CALN1: variants seen among roughly 807,000 people sequenced by gnomAD.
The protein encoded by CALN1 is calneuron 1.
CALN1 carries 17 observed loss-of-function variants against 30.6 expected under a neutral mutation model. The ratio of observed to expected loss-of-function variants is 0.56; its 90% confidence interval spans 0.38 to 0.83. The LOEUF (loss-of-function observed/expected upper bound fraction) is 0.83. CALN1 is among the 40% of genes least tolerant of loss of function. The pLI, the probability that CALN1 is intolerant of heterozygous loss-of-function variation, is 0.00. For synonymous variants in CALN1, 156 were observed against 131.4 expected, an observed-to-expected ratio of 1.19 and a Z score of -1.28; for missense variants, 291 against 354.9, an observed-to-expected ratio of 0.82 and a Z score of 1.45.
Position 71,785,027 on chromosome 7 carries a change from C to T in CALN1, c.*2748G>A, listed in dbSNP as rs1315942595. ...CCAGGGTGCAAGTCACCGGGACAAA[C>T]TCTGAGCTCCTGAAGTCTAAGGAAT... is the stretch of plus-strand genomic sequence containing the variant. On this transcript the variant is annotated 3_prime_UTR_variant, in exon 7 of 7. Transcript: ENST00000395275. The T allele has an allele frequency of 2.5e-6, 1 of 395,966 alleles. No homozygotes were observed. The highest frequency in any genetic ancestry group is 4.4e-6 in the Non-Finnish European group (1 of 224,968). 24.5% of individuals were successfully genotyped at this position (395,966 alleles called of 1,614,324 possible).
At chr7:72,084,213 A>C (rs1245906144) in intron 4 of CALN1, among the ~76,000 whole-genome samples, 2 of 152,092 alleles carry the variant, frequency 1.3e-5, no homozygotes, top group East Asian at 3.9e-4. Flanking sequence ...CATCTCAAAA[A>C]GCAAAACAAA....
chr7:72,250,652 T>A (rs555960692), intron 3 of CALN1, among the ~76,000 whole-genome samples: 1 of 152,072 alleles, frequency 6.6e-6, no homozygotes, highest in African/African-American at 2.4e-5. Context: ...CAGTAATGAG[T>A]GAGTTCTTGC....
chr7:71,981,142 A>AT (rs1217339662), intron 5 of CALN1, among the ~76,000 whole-genome samples: 1 of 152,198 alleles, frequency 6.6e-6, no homozygotes, highest in Non-Finnish European at 1.5e-5. Flanking sequence ...TTCCTGGTCC[A>AT]TAACTCCCTT....
intron 4 of CALN1, among the ~76,000 whole-genome samples, chr7:72,083,791 T>C (rs766138273): frequency 2.6e-5 from 4 of 151,484 alleles, no homozygotes; most frequent in Non-Finnish European, 4.4e-5. Flanking sequence ...TGGTGGCATA[T>C]GCCTGTAGTC....
intron 5 of CALN1, among the ~76,000 whole-genome samples, chr7:71,848,214 G>A (rs1790433673): frequency 6.6e-6 from 1 of 152,192 alleles, no homozygotes; most frequent in South Asian, 2.1e-4. Flanking sequence ...TGTCAGATTA[G>A]CCAGATGTGA....
chr7:71,890,119 T>G (rs988092095), intron 5 of CALN1, among the ~76,000 whole-genome samples: 1 of 152,134 alleles, frequency 6.6e-6, no homozygotes, highest in African/African-American at 2.4e-5. Flanking sequence ...TATTTATTTT[T>G]TTGGAGACAA....
At chr7:72,037,957 G>C (rs1218797406) in intron 4 of CALN1, among the ~76,000 whole-genome samples, 3 of 152,184 alleles carry the variant, frequency 2.0e-5, no homozygotes, top group Non-Finnish European at 4.4e-5. Flanking sequence ...GGAGAAGTTG[G>C]GGAAGGCGAG....
At chr7:72,428,792 A>G (rs1270948509) in intron 1 of CALN1, among the ~76,000 whole-genome samples, 1 of 152,222 alleles carries the variant, frequency 6.6e-6, no homozygotes, top group Non-Finnish European at 1.5e-5. Context: ...TGAGTCCAGG[A>G]GTTCAAGACC....
chr7:71,946,462 G>T (rs1309507314), intron 5 of CALN1, among the ~76,000 whole-genome samples: 1 of 151,360 alleles, frequency 6.6e-6, no homozygotes, highest in Non-Finnish European at 1.5e-5. Context: ...TGACCTCCGG[G>T]GCTCAAGTGA....
chr7:72,300,378 A>C (rs2129555587), intron 2 of CALN1, among the ~76,000 whole-genome samples: 1 of 152,260 alleles, frequency 6.6e-6, no homozygotes, highest in South Asian at 2.1e-4. Context: ...TTGTGTATCA[A>C]GAAAAGGCAC....
chr7:72,368,319 G>C (rs1016890532), intron 2 of CALN1, among the ~76,000 whole-genome samples: 3 of 151,276 alleles, frequency 2.0e-5, no homozygotes, highest in African/African-American at 4.9e-5. Context: ...CTGTACACTT[G>C]TGATTTGTGC....
chr7:72,409,839 C>T (rs186804629), intron 1 of CALN1, among the ~76,000 whole-genome samples: 2 of 152,210 alleles, frequency 1.3e-5, no homozygotes, highest in Admixed American at 6.5e-5. Context: ...CCACGTTGGG[C>T]ATCAAGTTAC....
At chr7:72,236,986 T>C (rs766315404) in intron 3 of CALN1, among the ~76,000 whole-genome samples, 2 of 151,682 alleles carry the variant, frequency 1.3e-5, no homozygotes, top group Non-Finnish European at 2.9e-5. Flanking sequence ...TTTTCTATTT[T>C]TATTTTTTTT....
At chr7:72,216,064 A>T (rs1178203372) in intron 3 of CALN1, among the ~76,000 whole-genome samples, 1 of 152,070 alleles carries the variant, frequency 6.6e-6, no homozygotes, top group African/African-American at 2.4e-5. Context: ...TAAACCTTGC[A>T]CACTTGATCT....
intron 5 of CALN1, among the ~76,000 whole-genome samples, chr7:71,907,504 C>T (rs574555666): frequency 3.7e-4 from 57 of 152,262 alleles, no homozygotes; most frequent in African/African-American, 1.3e-3. Context: ...GAGTCAGAAC[C>T]GGGTTTGGAG....
chr7:72,168,797 T>C (rs760267544), intron 3 of CALN1, among the ~76,000 whole-genome samples: 11 of 118,060 alleles, frequency 9.3e-5, no homozygotes, highest in Non-Finnish European at 1.6e-4. Context: ...CTTATTATTA[T>C]TATTATTATT....
chr7:71,798,099 GAC>G (rs1787047968), intron 6 of CALN1, among the ~76,000 whole-genome samples: 9 of 97,512 alleles, frequency 9.2e-5, no homozygotes, highest in African/African-American at 2.5e-4. Flanking sequence ...CAGAGAGAGA[GAC>G]AGAGAGAGAC....
At chr7:71,945,624 C>A (rs1343957500) in intron 5 of CALN1, among the ~76,000 whole-genome samples, 1 of 152,172 alleles carries the variant, frequency 6.6e-6, no homozygotes, top group Non-Finnish European at 1.5e-5. Context: ...GTAAACTGCA[C>A]ACGCGAGGGA....
At chr7:72,320,248 C>T (rs923958774) in intron 2 of CALN1, among the ~76,000 whole-genome samples, 2 of 152,280 alleles carry the variant, frequency 1.3e-5, no homozygotes, top group Non-Finnish European at 2.9e-5. Context: ...GCTAGGACGG[C>T]GGGCTAGGAC....
Sources: gnomAD v4.1 joint callset for allele counts (sites outside exome capture counted in the v4.1 genomes callset) on GRCh38, gnomAD v4.1.1 for gene constraint, MANE v1.5 for transcripts, NCBI Gene and HGNC (gene_info 2026-07-23, HGNC 2026-07-21) for gene names.